Variants in PRKAG2 observed in about 807,000 individuals in gnomAD.
The protein encoded by PRKAG2 is protein kinase AMP-activated non-catalytic subunit gamma 2, also known as 5'-AMP-activated protein kinase subunit gamma-2.
In PRKAG2, 26 loss-of-function variants were observed where a neutral mutation model predicts 69.6. The observed-to-expected ratio is 0.37, with a 90% CI of 0.27 to 0.52. The LOEUF is 0.52. Ranked by LOEUF, PRKAG2 falls within the 20% of genes least tolerant of loss-of-function variation. The probability of loss-of-function intolerance (pLI) is 0.90; values close to 1 mark genes in which losing one functional copy is unlikely to be tolerated. For missense variants in PRKAG2, 557 were observed against 740.0 expected (o/e 0.75, Z 2.87); for synonymous variants, 293 against 285.0 (o/e 1.03, Z -0.28).
intron 1 of PRKAG2, among the ~76,000 whole-genome samples, chr7:151,852,697 T>G (rs535125711): frequency 2.7e-4 from 40 of 149,482 alleles, no homozygotes; most frequent in African/African-American, 9.9e-4. Flanking sequence ...CGCCTGAGGG[T>G]CCTATAGGAA....
intron 5 of PRKAG2, among the ~76,000 whole-genome samples, chr7:151,618,033 A>C (rs1444635704): frequency 1.3e-5 from 2 of 152,208 alleles, no homozygotes; most frequent in African/African-American, 4.8e-5. Context: ...AATTAAACTC[A>C]TAAGTTGGCT....
chr7:151,654,796 T>C (rs1457307457), intron 4 of PRKAG2, among the ~76,000 whole-genome samples: 1 of 152,190 alleles, frequency 6.6e-6, no homozygotes, highest in Non-Finnish European at 1.5e-5. Flanking sequence ...GGATTCGAGC[T>C]GTTCTCATGC....
At chr7:151,800,046 C>T (rs187176521) in intron 1 of PRKAG2, among the ~76,000 whole-genome samples, 120 of 152,052 alleles carry the variant, frequency 7.9e-4, no homozygotes, top group Admixed American at 1.3e-3. Context: ...TTCTGCCTAA[C>T]CAGCTGTGTC....
At position 151,850,588 on chromosome 7, in the gene PRKAG2, C is replaced by G. The variant is rs962348427; in HGVS notation, c.114+25919G>C. On this transcript the variant is annotated intron_variant, in intron 1 of 15. Coordinates refer to ENST00000287878, the MANE Select transcript of PRKAG2 (RefSeq NM_016203.4). The surrounding 1 kb of genome is among the most constrained non-coding windows in gnomAD (Gnocchi z 4.1). ...AAGGAGCCCCGAGCCTGGATTGGAACCCAGATGGACCAATTCCAAAATCCT... is the reference window on the plus strand; with the variant it reads ...AAGGAGCCCCGAGCCTGGATTGGAAGCCAGATGGACCAATTCCAAAATCCT... Among the ~76,000 whole-genome samples, 1 of 152,192 alleles carries G rather than the reference C, an allele frequency of 6.6e-6. No individual in the cohort carries two copies. The highest frequency in any genetic ancestry group is 1.5e-5 in the Non-Finnish European group (1 of 68,036).
intron 5 of PRKAG2, among the ~76,000 whole-genome samples, chr7:151,628,819 C>T (rs1823664321): frequency 1.3e-5 from 2 of 152,198 alleles, no homozygotes; most frequent in South Asian, 4.1e-4. Flanking sequence ...AGATCCAAAG[C>T]ACTGCTGAGA....
At chr7:151,714,047 G>A (rs1288952055) in intron 3 of PRKAG2, among the ~76,000 whole-genome samples, 3 of 152,126 alleles carry the variant, frequency 2.0e-5, no homozygotes, top group Non-Finnish European at 4.4e-5. Flanking sequence ...GTCAAGTGTG[G>A]GGGGTCACTG....
intron 5 of PRKAG2, among the ~76,000 whole-genome samples, chr7:151,608,882 TTC>T (rs1818133301): frequency 6.6e-6 from 1 of 151,942 alleles, no homozygotes; most frequent in Non-Finnish European, 1.5e-5. Flanking sequence ...TGTGATTTTT[TTC>T]TCTTTCTTTC....
chr7:151,742,017 G>A (rs1166995694), intron 3 of PRKAG2, among the ~76,000 whole-genome samples: 1 of 152,190 alleles, frequency 6.6e-6, no homozygotes, highest in Non-Finnish European at 1.5e-5. Flanking sequence ...CACATGAGCA[G>A]GGCAGGTATA....
intron 1 of PRKAG2, among the ~76,000 whole-genome samples, chr7:151,871,912 G>C (rs996867678): frequency 1.3e-5 from 2 of 152,198 alleles, no homozygotes; most frequent in South Asian, 2.1e-4. Context: ...TTGGGCACTA[G>C]GGGTCCGAGG....
At chr7:151,697,622 G>A (rs372845583) in intron 3 of PRKAG2, among the ~76,000 whole-genome samples, 3 of 152,240 alleles carry the variant, frequency 2.0e-5, no homozygotes, top group South Asian at 2.1e-4. Flanking sequence ...CACTGTGGAC[G>A]GTGACAGGTC....
rs770220955 is a variant in PRKAG2 at position 151,681,414 on chromosome 7, T to C, written c.467-5777A>G. On this transcript the variant is annotated intron_variant, in intron 3 of 15. Transcript: ENST00000287878. Reference sequence around the variant, plus strand: ...GGACTACAGAGGGGGAAGGGAAACTTTTAGAGGAAGGGACAGGTGAAATGC... The same window carrying C: ...GGACTACAGAGGGGGAAGGGAAACTCTTAGAGGAAGGGACAGGTGAAATGC... Among the ~76,000 whole-genome samples the C allele has an allele frequency of 2.4e-4, 37 of 151,936 alleles. 1 individual carries two copies. The highest frequency in any genetic ancestry group is 4.4e-4 in the Non-Finnish European group (30 of 67,966).
At chr7:151,608,172 C>T (rs948587581) in intron 5 of PRKAG2, among the ~76,000 whole-genome samples, 5 of 152,144 alleles carry the variant, frequency 3.3e-5, no homozygotes, top group African/African-American at 1.2e-4. Flanking sequence ...TCTCCCTCAG[C>T]CTCCAGAAGG....
chr7:151,592,016 A>G lies in PRKAG2; in HGVS notation c.864+3329T>C, dbSNP rs551765129. Among the ~76,000 whole-genome samples, 5 of 152,254 alleles carry G rather than the reference A, an allele frequency of 3.3e-5. No individual in the cohort carries two copies. In the South Asian group the frequency reaches 1.0e-3, roughly 32 times the overall value. On this transcript the variant is annotated intron_variant, in intron 6 of 15. Transcript: ENST00000287878. Reference sequence around the variant, plus strand: ...AGGCCCCCCAAGCCGAATGCTGAGCATGCACAGCGACCCTCTCTCGCCAGG... The same window carrying G: ...AGGCCCCCCAAGCCGAATGCTGAGCGTGCACAGCGACCCTCTCTCGCCAGG...
chr7:151,749,065 G>A (rs1250803223), intron 3 of PRKAG2, among the ~76,000 whole-genome samples: 1 of 146,112 alleles, frequency 6.8e-6, no homozygotes, highest in African/African-American at 2.8e-5. Flanking sequence ...CGGGCCAGAT[G>A]TCTCCAGAGA....
intron 5 of PRKAG2, among the ~76,000 whole-genome samples, chr7:151,605,936 C>CAAAAAAAAAAAAAAA (rs560080587): frequency 9.9e-5 from 9 of 91,046 alleles, no homozygotes; most frequent in African/African-American, 3.5e-4. Context: ...GACTCCGTCT[C>CAAAAAAAAAAAAAAA]AAAAAAAAAA....
At chr7:151,623,770 G>A (rs1822126238) in intron 5 of PRKAG2, among the ~76,000 whole-genome samples, 1 of 152,066 alleles carries the variant, frequency 6.6e-6, no homozygotes, top group Non-Finnish European at 1.5e-5. Flanking sequence ...GCTCTTAATT[G>A]CTATGGCTCT....
intron 1 of PRKAG2, among the ~76,000 whole-genome samples, chr7:151,823,671 C>G (rs1480035709): frequency 6.6e-6 from 1 of 152,044 alleles, no homozygotes; most frequent in Non-Finnish European, 1.5e-5. Flanking sequence ...GAGATGACAC[C>G]CTCCATCTGT....
chr7:151,753,017 C>T (rs1006123918), intron 3 of PRKAG2, among the ~76,000 whole-genome samples: 7 of 152,218 alleles, frequency 4.6e-5, no homozygotes, highest in Non-Finnish European at 7.3e-5. Flanking sequence ...GGGCAGCCCA[C>T]GGATGGGTGG....
At chr7:151,636,795 C>T (rs1825814975) in intron 4 of PRKAG2, among the ~76,000 whole-genome samples, 1 of 152,148 alleles carries the variant, frequency 6.6e-6, no homozygotes, top group African/African-American at 2.4e-5. Context: ...ACCTCTGCCT[C>T]CTGGGTTCAA....
Sources: gnomAD v4.1 joint callset for allele counts (sites outside exome capture counted in the v4.1 genomes callset) on GRCh38, gnomAD v4.1.1 for gene constraint, Gnocchi (gnomAD v3.1) non-coding constraint, MANE v1.5 for transcripts, NCBI Gene and HGNC (gene_info 2026-07-23, HGNC 2026-07-21) for gene names.